The following GALNT7 variants were observed in gnomAD, a reference collection of about 807,000 sequenced individuals.
GALNT7 encodes the protein N-acetylgalactosaminyltransferase 7.
GALNT7 carries 60 observed loss-of-function variants against 82.1 expected under a neutral mutation model. That is an observed-to-expected ratio of 0.73 (90% CI 0.59 to 0.91). The LOEUF is 0.91. GALNT7 is among the 40% of genes least tolerant of loss of function. The probability of loss-of-function intolerance (pLI) is 0.00; values close to 1 mark genes in which losing one functional copy is unlikely to be tolerated. For missense variants in GALNT7, 660 were observed against 804.2 expected (o/e 0.82, Z 2.17); for synonymous variants, 243 against 275.1 (o/e 0.88, Z 1.15).
intron 2 of GALNT7, among the ~76,000 whole-genome samples, chr4:173,280,228 T>G (rs1226215951): frequency 6.6e-6 from 1 of 152,196 alleles, no homozygotes; most frequent in Non-Finnish European, 1.5e-5. Context: ...TATTGTAGAT[T>G]AATGATAGTG....
chr4:173,174,317 A>T (rs1175429379), intron 1 of GALNT7, among the ~76,000 whole-genome samples: 1 of 152,186 alleles, frequency 6.6e-6, no homozygotes, highest in Non-Finnish European at 1.5e-5. Context: ...TGTCCTCTAA[A>T]CCAAACAAGG....
Position 173,249,689 on chromosome 4 carries a change from A to G in GALNT7, c.587+1249A>G, listed in dbSNP as rs569656496. ...CAGATAAATGGTTAAAAAATTTAGT[A>G]TATGTTCCAAATATTGCATGGGACA... On this transcript the variant is annotated intron_variant, in intron 2 of 11. Coordinates refer to ENST00000265000, the MANE Select transcript of GALNT7 (RefSeq NM_017423.3). 1.2e-4 allele frequency among the ~76,000 whole-genome samples: 18 copies of G among 152,330 alleles called. No homozygotes were observed. The South Asian group carries it at 3.5e-3, about 30-fold the overall frequency.
intron 7 of GALNT7, among the ~76,000 whole-genome samples, chr4:173,303,705 G>GA (rs1261387071): frequency 6.6e-6 from 1 of 152,192 alleles, no homozygotes; most frequent in Non-Finnish European, 1.5e-5. Flanking sequence ...TAGGAATAAA[G>GA]AATCCACATG....
intron 6 of GALNT7, 88 bp from the exon 7 acceptor site, chr4:173,301,959 G>T (rs1736957678): frequency 1.5e-6 from 1 of 681,458 alleles, no homozygotes. Flanking sequence ...TGCATTTTCA[G>T]GCTGTATTCT....
chr4:173,282,528 G>T (rs543316454), intron 2 of GALNT7: 1 of 152,304 alleles, frequency 6.6e-6, no homozygotes, highest in African/African-American at 2.4e-5. Flanking sequence ...CACTTCAGAA[G>T]TGGGAACTCT....
rs73003376 is a variant in GALNT7, at chr4:173,320,542, T to C, written c.1837-1038T>C. On this transcript the variant is annotated intron_variant, in intron 11 of 11. Transcript: ENST00000265000. This position sits in a 1 kb window ranked among gnomAD's most constrained non-coding sequence, Gnocchi z 4.1. ...TACTCCTGCTTCATTTGGTCTGATCTGAAATGTTGTTTTCGTTCAAGTATA... is the reference window on the plus strand; with the variant it reads ...TACTCCTGCTTCATTTGGTCTGATCCGAAATGTTGTTTTCGTTCAAGTATA... Among the ~76,000 whole-genome samples the C allele has an allele frequency of 0.083, 12,675 of 152,188 alleles. 870 individuals are homozygous for C. Among genetic ancestry groups the C allele is most frequent in the African/African-American group, 0.19 (7,703 of 41,502 alleles).
chr4:173,206,147 G>T (rs1468943211), intron 1 of GALNT7, among the ~76,000 whole-genome samples: 1 of 152,222 alleles, frequency 6.6e-6, no homozygotes, highest in African/African-American at 2.4e-5. Context: ...ATAGCCTGGT[G>T]CTGGCTTTTA....
chr4:173,262,973 A>G (rs1445362235), intron 2 of GALNT7, among the ~76,000 whole-genome samples: 2 of 152,208 alleles, frequency 1.3e-5, no homozygotes, highest in Non-Finnish European at 2.9e-5. Flanking sequence ...ATATTAGGGT[A>G]TATTATTATG....
At chr4:173,180,905 G>A (rs937417765) in intron 1 of GALNT7, among the ~76,000 whole-genome samples, 6 of 152,160 alleles carry the variant, frequency 3.9e-5, no homozygotes, top group Admixed American at 3.3e-4. Context: ...AATACAGCAA[G>A]GTGTGCTGTG....
At chr4:173,215,537 C>G (rs763366486) in intron 1 of GALNT7, among the ~76,000 whole-genome samples, 2 of 152,022 alleles carry the variant, frequency 1.3e-5, no homozygotes, top group Non-Finnish European at 2.9e-5. Context: ...GCCTGCTGTT[C>G]TCCTTTTAAT....
In GALNT7 at chr4:173,318,440, A is replaced by G; in HGVS notation, c.1717A>G (p.Ile573Val). ...HRMGGNQLFR[I>V]NEANQLMQYD... ...TCTTTTCCTTTTACAGCTTTTCAGA[A>G]TCAATGAAGCAAATCAACTCATGCA... is the stretch of plus-strand genomic sequence containing the variant. The change falls in exon 11 of 12, where the codon ATC becomes GTC. Residue 573 changes from isoleucine (I) to valine (V), a missense_variant. Transcript: ENST00000265000. 1 of 1,602,042 alleles carries G rather than the reference A, an allele frequency of 6.2e-7. No homozygotes were observed.
At chr4:173,218,529 G>A (rs929522629) in intron 1 of GALNT7, among the ~76,000 whole-genome samples, 1 of 151,876 alleles carries the variant, frequency 6.6e-6, no homozygotes, top group Non-Finnish European at 1.5e-5. Context: ...TGTGGGGGTG[G>A]GTGTTTTATT....
chr4:173,230,420 C>T (rs927398041), intron 1 of GALNT7, among the ~76,000 whole-genome samples: 1 of 152,026 alleles, frequency 6.6e-6, no homozygotes, highest in Non-Finnish European at 1.5e-5. Flanking sequence ...GTATTGTGAA[C>T]ATGGTTATGG....
At position 173,322,188 on chromosome 4, in the gene GALNT7, T is replaced by A. The variant is rs933319155; in HGVS notation, c.*471T>A. ...CATCTTTTTGAAGCACTGCCACAGG[T>A]TATTAGCCAAGGTGGCCTTCCTTCA... On this transcript the variant is annotated 3_prime_UTR_variant, in exon 12 of 12. Coordinates refer to ENST00000265000, the MANE Select transcript of GALNT7 (RefSeq NM_017423.3). 1.3e-5 allele frequency: 2 copies of A among 153,710 alleles called. No individual in the cohort carries two copies. Among genetic ancestry groups the A allele is most frequent in the African/African-American group, 4.8e-5 (2 of 41,438 alleles). The allele number at this position is 153,710 out of a possible 1,614,324, so 9.5% of individuals were successfully genotyped here.
intron 1 of GALNT7, among the ~76,000 whole-genome samples, chr4:173,205,244 G>A (rs561174161): frequency 6.6e-6 from 1 of 152,242 alleles, no homozygotes; most frequent in East Asian, 1.9e-4. Flanking sequence ...GTGACCTTGA[G>A]AGGCTGACCA....
intron 1 of GALNT7, among the ~76,000 whole-genome samples, chr4:173,178,069 GCA>G (rs1192308719): frequency 6.9e-6 from 1 of 145,498 alleles, no homozygotes; most frequent in East Asian, 2.0e-4. Context: ...ACGCGCGTGC[GCA>G]CAGACACCTA....
chr4:173,311,995 T>A (rs1351509528), intron 8 of GALNT7, among the ~76,000 whole-genome samples: 1 of 152,226 alleles, frequency 6.6e-6, no homozygotes, highest in African/African-American at 2.4e-5. Flanking sequence ...AATCCAACCC[T>A]TTTTAGTAAA....
In GALNT7 at chr4:173,183,882, C is replaced by T. The variant is rs527318719; in HGVS notation, c.126+14921C>T. On this transcript the variant is annotated intron_variant, in intron 1 of 11. Coordinates refer to ENST00000265000, the MANE Select transcript of GALNT7 (RefSeq NM_017423.3). ...GCGGAGACGCTCATCACTTCCCAGA[C>T]GGGGCGGCTGCCGGGTGGAGGGGCT... 8.0e-3 allele frequency among the ~76,000 whole-genome samples: 1,208 copies of T among 151,666 alleles called. 18 individuals are homozygous for T. Among genetic ancestry groups the T allele is most frequent in the African/African-American group, 0.027 (1,117 of 41,358 alleles).
chr4:173,180,705 G>C (rs1267236983), intron 1 of GALNT7, among the ~76,000 whole-genome samples: 1 of 152,114 alleles, frequency 6.6e-6, no homozygotes, highest in Non-Finnish European at 1.5e-5. Context: ...CTTGTCTTAG[G>C]TATTTTCTAA....
Sources: gnomAD v4.1 joint callset for allele counts (sites outside exome capture counted in the v4.1 genomes callset) on GRCh38, gnomAD v4.1.1 for gene constraint, Gnocchi (gnomAD v3.1) non-coding constraint, MANE v1.5 for transcripts, NCBI Gene and HGNC (gene_info 2026-07-23, HGNC 2026-07-21) for gene names.